The following MAGI1 variants were observed in gnomAD, a reference collection of about 807,000 sequenced individuals.
MAGI1 encodes the protein membrane associated guanylate kinase, WW and PDZ domain containing 1.
A neutral mutation model predicts 139.9 loss-of-function variants in MAGI1; 58 were observed. That is an observed-to-expected ratio of 0.41 (90% CI 0.34 to 0.52). The LOEUF is 0.52. Ranked by LOEUF, MAGI1 falls within the 20% of genes least tolerant of loss-of-function variation. The pLI, the probability that MAGI1 is intolerant of heterozygous loss-of-function variation, is 0.12. For missense variants in MAGI1, 1,874 were observed against 1,901.6 expected, an observed-to-expected ratio of 0.99 and a Z score of 0.27; for synonymous variants, 812 against 737.9, an observed-to-expected ratio of 1.10 and a Z score of -1.63.
At chr3:65,702,354 A>G (rs1390923393) in intron 1 of MAGI1, among the ~76,000 whole-genome samples, 3 of 152,142 alleles carry the variant, frequency 2.0e-5, no homozygotes, top group African/African-American at 7.2e-5. Flanking sequence ...GGAACCCAAT[A>G]CTGCCATAAC....
At position 65,470,301 on chromosome 3, in the gene MAGI1, C is replaced by G. The variant is rs747071272; in HGVS notation, c.941G>C (p.Gly314Ala). The G allele has an allele frequency of 1.9e-6, 3 of 1,609,332 alleles. No homozygotes were observed. In the African/African-American group the frequency reaches 4.0e-5, roughly 22 times the overall value. The change falls in exon 5 of 23, where the codon GGA becomes GCA. Residue 314 changes from glycine to alanine, a missense_variant. Gly to Ala is a moderately conservative substitution (Grantham distance 60). Around this residue, in one of 5 missense-constraint regions of MAGI1, gnomAD observed 648 missense variants for 598.1 expected, o/e 1.08. Coordinates refer to ENST00000402939, the MANE Select transcript of MAGI1 (RefSeq NM_001033057.2). ...ENWEMAYTENGEVYFIDHNTK... is the reference protein window; with the variant it reads ...ENWEMAYTENAEVYFIDHNTK... ...ACTTTACTCTATAAAATAGACTTCT[C>G]CATTTTCAGTATAGGCCATCTCCCA...
chr3:65,689,143 G>C (rs2088338088), intron 1 of MAGI1, among the ~76,000 whole-genome samples: 1 of 152,218 alleles, frequency 6.6e-6, no homozygotes, highest in South Asian at 2.1e-4. Flanking sequence ...CCAGACATCA[G>C]TCTCTTCAAG....
chr3:65,728,278 G>T lies in MAGI1; in HGVS notation c.314-106190C>A, dbSNP rs1484858204. 2.6e-5 allele frequency among the ~76,000 whole-genome samples: 4 copies of T among 152,260 alleles called. No homozygotes were observed. The East Asian group carries it at 7.8e-4, about 30-fold the overall frequency. ...TGAGCTTGGGGAAAACTCAGAACAG[G>T]ATGATTGGAGCTGGAGCACCCTGTG... On this transcript the variant is annotated intron_variant, in intron 1 of 22. Transcript: ENST00000402939.
chr3:65,647,802 T>A lies in MAGI1; in HGVS notation c.314-25714A>T, dbSNP rs74279572. Among the ~76,000 whole-genome samples, 843 of 152,288 alleles carry A rather than the reference T, an allele frequency of 5.5e-3. 23 individuals carry two copies. In the East Asian group the frequency reaches 0.078, roughly 14 times the overall value. ...AAAGAAAACTACAAATAGAGGTATCTTGCTGGTAAAGAATACCCAAAACCC... is the reference window on the plus strand; with the variant it reads ...AAAGAAAACTACAAATAGAGGTATCATGCTGGTAAAGAATACCCAAAACCC... On this transcript the variant is annotated intron_variant, in intron 1 of 22. Transcript: ENST00000402939.
intron 1 of MAGI1, among the ~76,000 whole-genome samples, chr3:65,715,231 A>G (rs1404369004): frequency 6.6e-6 from 1 of 152,204 alleles, no homozygotes; most frequent in Non-Finnish European, 1.5e-5. Flanking sequence ...AAATTGGTGT[A>G]ACAATTTTCT....
chr3:65,376,277 T>C (rs958355237), intron 17 of MAGI1, among the ~76,000 whole-genome samples: 3 of 152,228 alleles, frequency 2.0e-5, no homozygotes, highest in Admixed American at 2.0e-4. Flanking sequence ...CCAAAATAAC[T>C]GGCTGTTCGC....
At chr3:65,491,605 A>C (rs1409418888) in intron 3 of MAGI1, among the ~76,000 whole-genome samples, 1 of 152,120 alleles carries the variant, frequency 6.6e-6, no homozygotes, top group Non-Finnish European at 1.5e-5. Context: ...ACCAAAGAGG[A>C]GTCACACATG....
At chr3:65,757,813 TTTCTGCTTTCTC>T (rs558921620) in intron 1 of MAGI1, among the ~76,000 whole-genome samples, 237 of 152,360 alleles carry the variant, frequency 1.6e-3, no homozygotes, top group African/African-American at 5.5e-3. Context: ...TAAGTACTCA[TTTCTGCTTTCTC>T]TGGTTTATAA....
intron 12 of MAGI1, among the ~76,000 whole-genome samples, chr3:65,418,398 G>A (rs1946388683): frequency 6.6e-6 from 1 of 152,024 alleles, no homozygotes; most frequent in South Asian, 2.1e-4. Flanking sequence ...ATTACTACTA[G>A]GACTATGAAA....
chr3:65,853,442 G>T (rs189967067), intron 1 of MAGI1, among the ~76,000 whole-genome samples: 1 of 152,272 alleles, frequency 6.6e-6, no homozygotes, highest in Non-Finnish European at 1.5e-5. Context: ...TTGTGCTGAC[G>T]AAATTTTTAA....
intron 13 of MAGI1, among the ~76,000 whole-genome samples, chr3:65,399,454 T>C (rs1489358126): frequency 1.3e-5 from 2 of 152,158 alleles, no homozygotes; most frequent in African/African-American, 4.8e-5. Flanking sequence ...AGCTCCCAAA[T>C]TTTGTACAGC....
chr3:65,714,170 G>A (rs1486094596), intron 1 of MAGI1, among the ~76,000 whole-genome samples: 2 of 152,170 alleles, frequency 1.3e-5, no homozygotes, highest in East Asian at 1.9e-4. Context: ...CAGACGTTCC[G>A]TAACTGGCAG....
rs58258730 is a variant in MAGI1 at position 65,930,315 on chromosome 3, C to CAAAAAAA, written c.313+107674_313+107680dup. 1.9e-3 allele frequency among the ~76,000 whole-genome samples: 163 copies of CAAAAAAA among 87,616 alleles called. 6 individuals carry two copies. Among genetic ancestry groups the CAAAAAAA allele is most frequent in the Non-Finnish European group, 2.5e-3 (110 of 44,186 alleles). 57.5% of individuals were successfully genotyped at this position (87,616 alleles called of 152,430 possible). A position where few individuals can be genotyped will look rare whatever the true frequency, so the allele number is the denominator to read the frequency against. On this transcript the variant is annotated intron_variant, in intron 1 of 22. Coordinates refer to ENST00000402939, the MANE Select transcript of MAGI1 (RefSeq NM_001033057.2). The stretch of plus-strand genomic sequence containing the variant: ...TGGGCGAAAGAGCAAGACTCCGTCT[C>CAAAAAAA]AAAAAAAAAAAAAAAAAAAAAAAAA...
intron 6 of MAGI1, chr3:65,452,731 A>G (rs1949107218): frequency 6.6e-6 from 1 of 152,310 alleles, no homozygotes; most frequent in Non-Finnish European, 1.5e-5. Flanking sequence ...CTCTGTCTCA[A>G]AAGAATACAC....
At chr3:65,678,169 C>G (rs1412322043) in intron 1 of MAGI1, among the ~76,000 whole-genome samples, 1 of 151,994 alleles carries the variant, frequency 6.6e-6, no homozygotes, top group Non-Finnish European at 1.5e-5. Context: ...CAGGGACCGT[C>G]AGAGGATGGG....
At chr3:65,433,221 A>G (rs1234210842) in intron 10 of MAGI1, among the ~76,000 whole-genome samples, 1 of 152,184 alleles carries the variant, frequency 6.6e-6, no homozygotes, top group Non-Finnish European at 1.5e-5. Flanking sequence ...GATATTTATC[A>G]TGTCTTTGAG....
chr3:65,996,253 C>T (rs2066442161), intron 1 of MAGI1, among the ~76,000 whole-genome samples: 1 of 152,024 alleles, frequency 6.6e-6, no homozygotes, highest in Non-Finnish European at 1.5e-5. Context: ...AAAATGATAC[C>T]ATGTATTTCA....
chr3:65,507,485 T>C (rs575230806), intron 2 of MAGI1, among the ~76,000 whole-genome samples: 15 of 152,338 alleles, frequency 9.8e-5, no homozygotes, highest in African/African-American at 3.6e-4. Flanking sequence ...AGGCAGCTGA[T>C]TTCACTCTTG....
chr3:65,786,910 A>T (rs2643736), intron 1 of MAGI1, among the ~76,000 whole-genome samples: 35,359 of 152,018 alleles, frequency 0.23, 4,379 homozygotes, highest in South Asian at 0.38. Context: ...CCACCGCGCA[A>T]GACCCCAAGA....
Sources: allele counts gnomAD v4.1 joint callset (sites outside exome capture counted in the v4.1 genomes callset), GRCh38; gene constraint gnomAD v4.1.1; regional missense constraint gnomAD v4.1.1; transcripts MANE v1.5; gene names NCBI Gene and HGNC (gene_info 2026-07-23, HGNC 2026-07-21).